ESPNL: variants seen among roughly 807,000 people sequenced by gnomAD.
The protein encoded by ESPNL is espin-like protein.
A neutral mutation model predicts 46.8 loss-of-function variants in ESPNL; 49 were observed. The observed-to-expected ratio is 1.05, with a 90% CI of 0.83 to 1.33. ESPNL has a LOEUF of 1.33. ESPNL is among the 40% of genes most tolerant of loss of function. The pLI, the probability that ESPNL is intolerant of heterozygous loss-of-function variation, is 0.00. For missense variants in ESPNL, 1,540 were observed against 1,436.6 expected, an observed-to-expected ratio of 1.07 and a Z score of -1.16; for synonymous variants, 664 against 662.1, an observed-to-expected ratio of 1.00 and a Z score of -0.04.
intron 3 of ESPNL, 141 bp from the exon 4 acceptor site, chr2:238,107,650 C>G: frequency 1.2e-6 from 1 of 858,936 alleles, no homozygotes; most frequent in Non-Finnish European, 1.8e-6. Context: ...TCAGCCAGCC[C>G]TGTCCGGGGT....
rs1485350039 is a variant in ESPNL, at chr2:238,131,220, C to T, written c.2506C>T (p.Pro836Ser). 6 of 1,552,622 alleles carry T rather than the reference C, an allele frequency of 3.9e-6. No homozygotes were observed. Among genetic ancestry groups the T allele is most frequent in the Admixed American group, 3.8e-5 (2 of 52,188 alleles). Residue 836 changes from proline to serine, a missense_variant, in exon 9 of 9, where the codon CCC becomes TCC. Coordinates refer to ENST00000343063, the MANE Select transcript of ESPNL (RefSeq NM_194312.4). ...LSRQPRGALS[P>S]EQFLPHVDGA... is the part of the protein sequence containing the mutation. ...CCGGCAGCCCCGCGGGGCTTTGTCC[C>T]CCGAGCAGTTCCTGCCCCACGTGGA...
intron 4 of ESPNL, among the ~76,000 whole-genome samples, chr2:238,112,014 A>G (rs1211515441): frequency 6.6e-6 from 1 of 152,186 alleles, no homozygotes; most frequent in Admixed American, 6.5e-5. Context: ...TGGTATCAAA[A>G]TATGCTATGA....
chr2:238,131,794 T>A lies in ESPNL; in HGVS notation c.*62T>A. On this transcript the variant is annotated 3_prime_UTR_variant, in exon 9 of 9. Coordinates refer to ENST00000343063, the MANE Select transcript of ESPNL (RefSeq NM_194312.4). The stretch of plus-strand genomic sequence containing the variant: ...GGGTGACTTGGAGTTTCTCTTTTCT[T>A]TTCCTTGCTCACACCCTTGGTGTTC... The A allele has an allele frequency of 6.6e-7, 1 of 1,516,646 alleles. No homozygotes were observed. The highest frequency in any genetic ancestry group is 8.9e-7 in the Non-Finnish European group (1 of 1,126,086). 93.9% of individuals were successfully genotyped at this position (1,516,646 alleles called of 1,614,324 possible).
chr2:238,111,961 T>C (rs749261114), intron 4 of ESPNL, among the ~76,000 whole-genome samples: 1 of 152,244 alleles, frequency 6.6e-6, no homozygotes, highest in Non-Finnish European at 1.5e-5. Context: ...TTGAGTAAAA[T>C]TGGCATGGAA....
At chr2:238,110,724 G>A (rs1691698890) in intron 4 of ESPNL, among the ~76,000 whole-genome samples, 1 of 105,196 alleles carries the variant, frequency 9.5e-6, no homozygotes, top group African/African-American at 3.3e-5. Context: ...ATCCCATTTA[G>A]GTTGCCATAT....
intron 5 of ESPNL, among the ~76,000 whole-genome samples, chr2:238,124,202 A>G (rs896745582): frequency 2.6e-5 from 4 of 152,200 alleles, no homozygotes; most frequent in Non-Finnish European, 5.9e-5. Context: ...TGCTCTGCCC[A>G]GGGCTCTCAC....
chr2:238,104,747 G>T lies in ESPNL; in HGVS notation c.577G>T (p.Asp193Tyr), dbSNP rs1399951324. 6.2e-7 allele frequency: 1 copy of T among 1,607,900 alleles called. No individual in the cohort carries two copies. The highest frequency in any genetic ancestry group is 8.5e-7 in the Non-Finnish European group (1 of 1,178,530). Residue 193 changes from aspartate to tyrosine, a missense_variant, in exon 3 of 9, where the codon GAC (aspartate) becomes TAC (tyrosine). Physicochemically the swap from Asp to Tyr is radical, Grantham distance 160. Transcript: ENST00000343063. Reference protein sequence around the residue: ...HLHLAQFLVKDCGADVHLRAL... With the variant: ...HLHLAQFLVKYCGADVHLRAL... ...GCACCTGGCCCAGTTCCTGGTGAAG[G>T]ACTGTGGCGCTGACGTGCACCTTCG... is the stretch of plus-strand genomic sequence containing the variant.
chr2:238,131,363 C>T lies in ESPNL; in HGVS notation c.2649C>T (p.Phe883=), dbSNP rs980060337. ...EERKLRHLLC[F]EVFEHLGTHG... Reference sequence around the variant, plus strand: ...GGAAGCTGCGCCACCTGCTGTGCTTCGAGGTCTTCGAGCACCTGGGCACCC... The same window carrying T: ...GGAAGCTGCGCCACCTGCTGTGCTTTGAGGTCTTCGAGCACCTGGGCACCC... Residue 883 remains phenylalanine, a synonymous_variant, in exon 9 of 9, where the codon TTC becomes TTT. Coordinates refer to ENST00000343063, the MANE Select transcript of ESPNL (RefSeq NM_194312.4). 5.0e-6 allele frequency: 8 copies of T among 1,600,212 alleles called. No individual in the cohort carries two copies. The highest frequency in any genetic ancestry group is 4.0e-5 in the African/African-American group (3 of 74,726).
At position 238,121,636 on chromosome 2, in the gene ESPNL, G is replaced by A. The variant is rs1322064766; in HGVS notation, c.988-3634G>A. On this transcript the variant is annotated intron_variant, in intron 5 of 8. Coordinates refer to ENST00000343063, the MANE Select transcript of ESPNL (RefSeq NM_194312.4). ...TGGTCTTGAGCTCCTGGGTTCTAGT[G>A]ATCCTCCCGCCTCTGCCTCCCAAAG... Among the ~76,000 whole-genome samples, 3 of 152,206 alleles carry A rather than the reference G, an allele frequency of 2.0e-5. No individual in the cohort carries two copies. The East Asian group carries it at 5.8e-4, about 29-fold the overall frequency.
intron 7 of ESPNL, 37 bp from the exon 8 acceptor site, chr2:238,128,670 C>G (rs771116621): frequency 6.5e-7 from 1 of 1,549,854 alleles, no homozygotes; most frequent in South Asian, 1.2e-5. Context: ...GGCCTGGGTC[C>G]CCTTCGGGCC....
At chr2:238,117,797 G>A (rs2106470837) in intron 5 of ESPNL, among the ~76,000 whole-genome samples, 1 of 152,292 alleles carries the variant, frequency 6.6e-6, no homozygotes. Flanking sequence ...GGATGGATGG[G>A]GAGGGAACAG....
chr2:238,108,364 C>T (rs1414067188), intron 4 of ESPNL, among the ~76,000 whole-genome samples: 1 of 152,052 alleles, frequency 6.6e-6, no homozygotes, highest in African/African-American at 2.4e-5. Context: ...CTTGGGGGCT[C>T]ACATGGCCCA....
chr2:238,127,456 C>G, intron 6 of ESPNL, 166 bp from the exon 7 acceptor site: 1 of 1,381,618 alleles, frequency 7.2e-7, no homozygotes, highest in Non-Finnish European at 9.3e-7. Context: ...CAGAGAAGGT[C>G]CAGTGGGGCC....
At position 238,127,668 on chromosome 2, in the gene ESPNL, TC is replaced by T. The variant is rs1559267535; in HGVS notation, c.1152del (p.Arg385GlyfsTer4). 1 of 1,612,732 alleles carries T rather than the reference TC, an allele frequency of 6.2e-7. No homozygotes were observed. The highest frequency in any genetic ancestry group is 1.3e-5 in the African/African-American group (1 of 74,854). ...GGCCTGGCCATCCTGACCAGCCTCT[TC>T]CCAGGGAGCAGATGACCAGCCCGGC... ...AWPGHPDQPL[P>X]REQMTSPAPP... On this transcript the variant is annotated frameshift_variant, in exon 7 of 9. Transcript: ENST00000343063. LOFTEE classifies it high-confidence loss of function.
At chr2:238,125,942 C>T (rs1692097146) in intron 6 of ESPNL, among the ~76,000 whole-genome samples, 1 of 151,776 alleles carries the variant, frequency 6.6e-6, no homozygotes, top group Admixed American at 6.6e-5. Flanking sequence ...GTGTGATACA[C>T]ATAGATACGG....
At chr2:238,129,777 C>G (rs547558311) in intron 8 of ESPNL, among the ~76,000 whole-genome samples, 1 of 152,250 alleles carries the variant, frequency 6.6e-6, no homozygotes, top group Non-Finnish European at 1.5e-5. Context: ...CCTGCCCCTC[C>G]GTCGCACCAG....
chr2:238,130,231 A>T lies in ESPNL; in HGVS notation c.1517A>T (p.Asp506Val). 1 of 1,611,048 alleles carries T rather than the reference A, an allele frequency of 6.2e-7. No individual in the cohort carries two copies. The change falls in exon 9 of 9, where the codon GAC becomes GTC. Residue 506 changes from aspartate (D) to valine (V), a missense_variant. Asp to Val is a radical substitution (Grantham distance 152). Transcript: ENST00000343063. ...TTTGGGGAGCTGCTGACAGAGGATG[A>T]CCTGGTCTACCTGGAGAAGCAGATT... ...GPFGELLTED[D>V]LVYLEKQIAD...
intron 6 of ESPNL, among the ~76,000 whole-genome samples, chr2:238,126,326 CTGTG>C (rs1363501758): frequency 2.7e-5 from 4 of 146,828 alleles, no homozygotes; most frequent in East Asian, 2.0e-4. Context: ...GTGATTGTGT[CTGTG>C]TGTCTGTATG....
At chr2:238,104,247 C>T (rs1317034445) in intron 2 of ESPNL, among the ~76,000 whole-genome samples, 6 of 152,184 alleles carry the variant, frequency 3.9e-5, no homozygotes, top group Non-Finnish European at 5.9e-5. Flanking sequence ...ACTGTGACCC[C>T]AGCCCAGCCA....
Sources: gnomAD v4.1 joint callset for allele counts (sites outside exome capture counted in the v4.1 genomes callset) on GRCh38, gnomAD v4.1.1 for gene constraint, MANE v1.5 for transcripts, NCBI Gene and HGNC (gene_info 2026-07-23, HGNC 2026-07-21) for gene names.